The following RAPGEF6 variants were observed in gnomAD, a reference collection of about 807,000 sequenced individuals.
RAPGEF6 encodes PDZ domain containing guanine nucleotide exchange factor (GEF) 2.
Under a neutral mutation model 171.4 loss-of-function variants are expected in RAPGEF6, and 56 were observed. The ratio of observed to expected loss-of-function variants is 0.33; its 90% CI spans 0.26 to 0.41. The LOEUF (loss-of-function observed/expected upper bound fraction) is 0.41, where lower values mean the gene tolerates loss of function less well. RAPGEF6 is among the 10% of genes least tolerant of loss of function. The pLI is 1.00. For missense variants in RAPGEF6, 1,674 were observed against 1,921.4 expected, an observed-to-expected ratio of 0.87 and a Z score of 2.41; for synonymous variants, 692 against 650.1, an observed-to-expected ratio of 1.06 and a Z score of -0.98.
chr5:131,617,278 C>T (rs967858433), intron 1 of RAPGEF6, among the ~76,000 whole-genome samples: 2 of 127,774 alleles, frequency 1.6e-5, no homozygotes, highest in Admixed American at 8.6e-5. Context: ...TACTTGGTCT[C>T]TAAAAAAACA....
chr5:131,430,863 C>A lies in RAPGEF6; in HGVS notation c.4461G>T (p.Leu1487Phe). The change falls in exon 26 of 28, where the codon TTG becomes TTT. Residue 1487 changes from leucine (L) to phenylalanine (F), a missense_variant. Transcript: ENST00000509018. The part of the protein sequence containing the change: ...KTVTSSTEKG[L>F]IVYCVTSPKK... ...GACAACAAAAACACAACTTACCAAT[C>A]AAGCCCTTTTCTGTACTTGAAGTGA... 1 of 1,593,686 alleles carries A rather than the reference C, an allele frequency of 6.3e-7. No individual in the cohort carries two copies. Among genetic ancestry groups the A allele is most frequent in the South Asian group, 1.1e-5 (1 of 87,560 alleles).
intron 1 of RAPGEF6, among the ~76,000 whole-genome samples, chr5:131,605,350 A>G (rs1347784704): frequency 6.6e-6 from 1 of 152,210 alleles, no homozygotes; most frequent in Non-Finnish European, 1.5e-5. Context: ...CTAACAGCAA[A>G]TAGTATTGTA....
At chr5:131,603,132 A>G (rs904279262) in intron 3 of RAPGEF6, 139 bp downstream of exon 3, 1 of 646,050 alleles carries the variant, frequency 1.5e-6, no homozygotes, top group African/African-American at 1.9e-5. Context: ...GATTCTATGT[A>G]TGTTATATAC....
intron 1 of RAPGEF6, among the ~76,000 whole-genome samples, chr5:131,618,832 T>C (rs970381010): frequency 6.6e-6 from 1 of 152,086 alleles, no homozygotes; most frequent in African/African-American, 2.4e-5. Context: ...GAGATGCAGA[T>C]GATCCTATTT....
At chr5:131,432,013 A>T (rs981609800) in intron 25 of RAPGEF6, among the ~76,000 whole-genome samples, 4 of 152,112 alleles carry the variant, frequency 2.6e-5, no homozygotes, top group Non-Finnish European at 4.4e-5. Flanking sequence ...TACCCATGAA[A>T]TGAATAATTT....
At chr5:131,482,745 G>A (rs1237266863) in intron 15 of RAPGEF6, among the ~76,000 whole-genome samples, 1 of 152,156 alleles carries the variant, frequency 6.6e-6, no homozygotes, top group African/African-American at 2.4e-5. Context: ...CATAACCAGA[G>A]GAACTACTTA....
At chr5:131,498,885 T>G (rs1015868821) in intron 11 of RAPGEF6, among the ~76,000 whole-genome samples, 9 of 152,214 alleles carry the variant, frequency 5.9e-5, no homozygotes, top group Admixed American at 5.9e-4. Context: ...TAGCAGGACC[T>G]TTGAACTTCA....
chr5:131,619,317 CGGGGCTGGAGGGCGGG>C (rs1437280916), intron 1 of RAPGEF6, among the ~76,000 whole-genome samples: 5 of 152,012 alleles, frequency 3.3e-5, no homozygotes, highest in Admixed American at 6.6e-5. Context: ...CCTGTTGCGG[CGGGGCTGGAGGGCGGG>C]GGGGCATAGC....
At chr5:131,615,682 T>G (rs1382264074) in intron 1 of RAPGEF6, among the ~76,000 whole-genome samples, 1 of 152,112 alleles carries the variant, frequency 6.6e-6, no homozygotes, top group Non-Finnish European at 1.5e-5. Flanking sequence ...GGCGGATTAC[T>G]TGAGGTAAGG....
At position 131,431,002 on chromosome 5, in the gene RAPGEF6, T is replaced by C. The variant is rs145812986; in HGVS notation, c.4322A>G (p.Asp1441Gly). The change falls in exon 26 of 28, where the codon GAC (aspartate) becomes GGC (glycine). Residue 1441 changes from aspartate to glycine, a missense_variant. By Grantham distance (94) the Asp-to-Gly change is moderately conservative. Around this residue, in one of 3 missense-constraint regions of RAPGEF6, gnomAD observed 552 missense variants for 574.2 expected, o/e 0.96. Coordinates refer to ENST00000509018, the MANE Select transcript of RAPGEF6 (RefSeq NM_016340.6). ...KSWTSSSSLS[D>G]TYEPNYGTVK... ...TGTCCCATAGTTTGGTTCATACGTG[T>C]CAGACAGAGAACTGGAGGAGGTCCA... The C allele has an allele frequency of 9.7e-5, 157 of 1,614,220 alleles. No individual in the cohort carries two copies. In the African/African-American group the frequency reaches 1.9e-3, roughly 19 times the overall value.
At chr5:131,528,321 A>ATATTTATATAT (rs1561538322) in intron 6 of RAPGEF6, among the ~76,000 whole-genome samples, 2,175 of 54,342 alleles carry the variant, frequency 0.04, 80 homozygotes, top group South Asian at 0.076. Flanking sequence ...TATTATATAT[A>ATATTTATATAT]TATATATATA....
At position 131,472,448 on chromosome 5, in the gene RAPGEF6, C is replaced by T. The variant is rs994545381; in HGVS notation, c.2239+139G>A. 5 of 929,384 alleles carry T rather than the reference C, an allele frequency of 5.4e-6. No homozygotes were observed. In the South Asian group the frequency reaches 7.0e-5, roughly 13 times the overall value. 57.6% of individuals were successfully genotyped at this position (929,384 alleles called of 1,614,324 possible). ...TCAAATTAACAGAACAAGTCAATCT[C>T]CCTTTAGTTTTTTGCATCAAGTCAT... On this transcript the variant is annotated intron_variant, in intron 17 of 27. Transcript: ENST00000509018.
chr5:131,499,415 T>TTTTGTAA (rs1756862296), intron 11 of RAPGEF6, among the ~76,000 whole-genome samples: 1 of 151,840 alleles, frequency 6.6e-6, no homozygotes. Flanking sequence ...ACCCCGTCTC[T>TTTTGTAA]ACTAAAAATA....
chr5:131,480,928 C>CT (rs34370165), intron 15 of RAPGEF6, among the ~76,000 whole-genome samples: 2,133 of 142,232 alleles, frequency 0.015, 39 homozygotes, highest in African/African-American at 0.043. Context: ...TTAGATACTG[C>CT]TTTTTTTTTT....
At chr5:131,487,022 T>C (rs1395612245) in intron 15 of RAPGEF6, among the ~76,000 whole-genome samples, 1 of 152,152 alleles carries the variant, frequency 6.6e-6, no homozygotes, top group Non-Finnish European at 1.5e-5. Flanking sequence ...TTTGTTCTAG[T>C]ATTGTGTCCA....
At chr5:131,505,064 C>A (rs1320299491) in intron 10 of RAPGEF6, among the ~76,000 whole-genome samples, 7 of 151,064 alleles carry the variant, frequency 4.6e-5, no homozygotes, top group Non-Finnish European at 8.8e-5. Flanking sequence ...TAGAAACAAA[C>A]AACTCAGAAG....
chr5:131,528,313 T>TATTATACATATA (rs1251388931), intron 6 of RAPGEF6, among the ~76,000 whole-genome samples: 1 of 48,846 alleles, frequency 2.0e-5, no homozygotes, highest in Non-Finnish European at 4.5e-5. Context: ...TATATTTATA[T>TATTATACATATA]TATATATATA....
At chr5:131,535,761 C>T (rs1234205816) in intron 6 of RAPGEF6, among the ~76,000 whole-genome samples, 1 of 151,992 alleles carries the variant, frequency 6.6e-6, no homozygotes, top group Non-Finnish European at 1.5e-5. Flanking sequence ...AAAATACAAA[C>T]TGAAATACTT....
At position 131,446,497 on chromosome 5, in the gene RAPGEF6, G is replaced by T; in HGVS notation, c.3407C>A (p.Pro1136His). The T allele has an allele frequency of 6.2e-7, 1 of 1,613,930 alleles. No individual in the cohort carries two copies. Among genetic ancestry groups the T allele is most frequent in the Non-Finnish European group, 8.5e-7 (1 of 1,179,876 alleles). The change falls in exon 22 of 28, where the codon CCT becomes CAT. Residue 1136 changes from proline to histidine, a missense_variant. Physicochemically the swap from Pro to His is moderately conservative, Grantham distance 77 (BLOSUM62 -2). Around this residue, in one of 3 missense-constraint regions of RAPGEF6, gnomAD observed 552 missense variants for 574.2 expected, o/e 0.96. Coordinates refer to ENST00000509018, the MANE Select transcript of RAPGEF6 (RefSeq NM_016340.6). ...KFQMMSLQWE[P>H]AYGTLTKNLS... is the part of the protein sequence containing the mutation. ...CTTGTACTCACAGGTACCATATGCA[G>T]GCTCCCACTGTAATGACATCATCTG...
Sources: gnomAD v4.1 joint callset for allele counts (sites outside exome capture counted in the v4.1 genomes callset) on GRCh38, gnomAD v4.1.1 for gene constraint, gnomAD v4.1.1 regional missense constraint, MANE v1.5 for transcripts, NCBI Gene and HGNC (gene_info 2026-07-23, HGNC 2026-07-21) for gene names.